The following INSYN2B variants were observed in gnomAD, a reference collection of about 807,000 sequenced individuals.
INSYN2B encodes the protein inhibitory synaptic factor family member 2B, also known as protein INSYN2B.
In INSYN2B, 16 loss-of-function variants were observed where a neutral mutation model predicts 41.2. The observed-to-expected ratio is 0.39, with a 90% CI of 0.26 to 0.59. The LOEUF is 0.59. INSYN2B is among the 20% of genes least tolerant of loss of function. INSYN2B has a pLI of 0.57. For synonymous variants in INSYN2B, 245 were observed against 244.4 expected (o/e 1.00, Z -0.02); for missense variants, 608 against 646.4 (o/e 0.94, Z 0.64).
At position 169,862,844 on chromosome 5, in the gene INSYN2B, A is replaced by G. The variant is rs946607759; in HGVS notation, c.*1429T>C. 1.8e-4 allele frequency among the ~76,000 whole-genome samples: 28 copies of G among 152,220 alleles called. No individual in the cohort carries two copies. Among genetic ancestry groups the G allele is most frequent in the African/African-American group, 6.3e-4 (26 of 41,458 alleles). On this transcript the variant is annotated 3_prime_UTR_variant, in exon 4 of 4. Transcript: ENST00000377365. The stretch of plus-strand genomic sequence containing the variant: ...AGTGGGGTAGGTACATCCCACGAAC[A>G]CACAGGATTCTGTGCTCTGCAAAGA...
intron 1 of INSYN2B, among the ~76,000 whole-genome samples, chr5:169,929,090 T>C (rs1775618253): frequency 6.6e-6 from 1 of 152,192 alleles, no homozygotes; most frequent in South Asian, 2.1e-4. Flanking sequence ...TAGACTGAAG[T>C]TCTGTCATGC....
At chr5:169,907,815 T>G (rs918043703) in intron 1 of INSYN2B, among the ~76,000 whole-genome samples, 1 of 152,170 alleles carries the variant, frequency 6.6e-6, no homozygotes, top group Non-Finnish European at 1.5e-5. Flanking sequence ...ACATTTTTGT[T>G]TGCCACAACT....
At chr5:169,870,237 C>T (rs749430115) in intron 3 of INSYN2B, among the ~76,000 whole-genome samples, 52 of 152,240 alleles carry the variant, frequency 3.4e-4, no homozygotes, top group Admixed American at 7.2e-4. Flanking sequence ...TCAGGTTTCC[C>T]TCTTGGGGGT....
Position 169,883,589 on chromosome 5 carries a change from T to C in INSYN2B, c.310A>G (p.Arg104Gly). ...CTTTTGAAAACTGGGAAATGCTTCCTGAGACTGGGGGAAGTTTGGATTGCA... is the reference window on the plus strand; with the variant it reads ...CTTTTGAAAACTGGGAAATGCTTCCCGAGACTGGGGGAAGTTTGGATTGCA... ...NIAIQTSPSL[R>G]KHFPVFKRKR... Residue 104 changes from arginine to glycine, a missense_variant, in exon 2 of 4, where the codon AGG (arginine) becomes GGG (glycine). By Grantham distance (125) the Arg-to-Gly change is moderately radical (BLOSUM62 -2). Transcript: ENST00000377365. 1 of 1,551,672 alleles carries C rather than the reference T, an allele frequency of 6.4e-7. No individual in the cohort carries two copies. The highest frequency in any genetic ancestry group is 8.7e-7 in the Non-Finnish European group (1 of 1,146,966).
chr5:169,917,557 G>A (rs1344978228), intron 1 of INSYN2B, among the ~76,000 whole-genome samples: 1 of 152,176 alleles, frequency 6.6e-6, no homozygotes, highest in African/African-American at 2.4e-5. Flanking sequence ...AGAAGTGTAG[G>A]ATAAAATGAA....
intron 1 of INSYN2B, among the ~76,000 whole-genome samples, chr5:169,955,390 G>GGA (rs139569428): frequency 5.9e-5 from 9 of 151,560 alleles, no homozygotes; most frequent in Non-Finnish European, 1.0e-4. Flanking sequence ...TTAAAGGAAG[G>GGA]GAGAGAGAGA....
chr5:169,887,326 G>A (rs904895575), intron 1 of INSYN2B, among the ~76,000 whole-genome samples: 1 of 151,962 alleles, frequency 6.6e-6, no homozygotes, highest in Non-Finnish European at 1.5e-5. Flanking sequence ...GATATTATTT[G>A]TTCATTGTAA....
chr5:169,964,274 T>C (rs1296572654), intron 1 of INSYN2B, among the ~76,000 whole-genome samples: 1 of 152,162 alleles, frequency 6.6e-6, no homozygotes, highest in African/African-American at 2.4e-5. Flanking sequence ...GGATTGGGAC[T>C]CCCGGACTCT....
chr5:169,961,972 C>G, intron 1 of INSYN2B, among the ~76,000 whole-genome samples: 1 of 13,596 alleles, frequency 7.4e-5, no homozygotes, highest in Non-Finnish European at 1.1e-4. Context: ...AAGTGAGACT[C>G]TGTCCCAAAA....
rs181338300 is a variant in INSYN2B, at chr5:169,870,482, A to C, written c.1422-6023T>G. On this transcript the variant is annotated intron_variant, in intron 3 of 3. Coordinates refer to ENST00000377365, the MANE Select transcript of INSYN2B (RefSeq NM_001129891.3). The stretch of plus-strand genomic sequence containing the variant: ...AACTGAAGTTGGGTGAGCCAAAAGG[A>C]GATAAAAATTGATGTAGAAAGAAAT... Among the ~76,000 whole-genome samples the C allele has an allele frequency of 6.6e-5, 10 of 152,292 alleles. 1 individual carries two copies. The highest frequency in any genetic ancestry group is 3.9e-4 in the Admixed American group (6 of 15,296).
At chr5:169,886,173 G>A (rs552555224) in intron 1 of INSYN2B, among the ~76,000 whole-genome samples, 1 of 152,220 alleles carries the variant, frequency 6.6e-6, no homozygotes, top group South Asian at 2.1e-4. Context: ...GTCTTTATTA[G>A]TGGCGTGAGA....
chr5:169,867,222 G>A (rs569097103), intron 3 of INSYN2B, among the ~76,000 whole-genome samples: 46 of 152,352 alleles, frequency 3.0e-4, no homozygotes, highest in Middle Eastern at 3.4e-3. Flanking sequence ...TCTGGAATCA[G>A]TCTCTTGACC....
intron 3 of INSYN2B, among the ~76,000 whole-genome samples, chr5:169,869,775 T>C (rs1046737571): frequency 2.0e-5 from 3 of 152,214 alleles, no homozygotes; most frequent in African/African-American, 2.4e-5. Context: ...GCTTTGGGTT[T>C]CAGCCCAAGG....
chr5:169,953,442 T>C (rs1776748082), intron 1 of INSYN2B, among the ~76,000 whole-genome samples: 1 of 152,104 alleles, frequency 6.6e-6, no homozygotes, highest in Non-Finnish European at 1.5e-5. Context: ...GTGGGCAAAT[T>C]GTTTCAGATC....
chr5:169,968,390 A>G (rs1777377792), intron 1 of INSYN2B, among the ~76,000 whole-genome samples: 1 of 152,186 alleles, frequency 6.6e-6, no homozygotes, highest in Non-Finnish European at 1.5e-5. Context: ...TCTATGTGTC[A>G]GGCATTGAGG....
chr5:169,920,756 C>A (rs1775128663), intron 1 of INSYN2B, among the ~76,000 whole-genome samples: 1 of 152,172 alleles, frequency 6.6e-6, no homozygotes, highest in Non-Finnish European at 1.5e-5. Flanking sequence ...TGGAACTTGG[C>A]CCTTCCTTTG....
At chr5:169,946,747 C>T (rs1454166785) in intron 1 of INSYN2B, among the ~76,000 whole-genome samples, 2 of 152,184 alleles carry the variant, frequency 1.3e-5, no homozygotes, top group Non-Finnish European at 2.9e-5. Context: ...CAGCGATAGG[C>T]AATCTGAAAG....
intron 1 of INSYN2B, among the ~76,000 whole-genome samples, chr5:169,886,587 C>T (rs561968916): frequency 6.6e-6 from 1 of 152,196 alleles, no homozygotes; most frequent in Non-Finnish European, 1.5e-5. Flanking sequence ...ATTAACAACT[C>T]ACTGTTAAAT....
At chr5:169,894,406 T>A (rs1773472810) in intron 1 of INSYN2B, among the ~76,000 whole-genome samples, 1 of 152,128 alleles carries the variant, frequency 6.6e-6, no homozygotes, top group African/African-American at 2.4e-5. Flanking sequence ...CTGACATAGA[T>A]ACACATTGCA....
Sources: allele counts gnomAD v4.1 joint callset (sites outside exome capture counted in the v4.1 genomes callset), GRCh38; gene constraint gnomAD v4.1.1; transcripts MANE v1.5; gene names NCBI Gene and HGNC (gene_info 2026-07-23, HGNC 2026-07-21).